SLC44A5: variants seen among roughly 807,000 people sequenced by gnomAD.
The protein encoded by SLC44A5 is solute carrier family 44 member 5.
SLC44A5 carries 57 observed loss-of-function variants against 101.8 expected under a neutral mutation model. The observed-to-expected ratio is 0.56, with a 90% confidence interval of 0.45 to 0.70. The LOEUF is 0.70. SLC44A5 is among the 30% of genes least tolerant of loss of function. The pLI is 0.00. For synonymous variants in SLC44A5, 281 were observed against 290.9 expected (o/e 0.97, Z 0.35); for missense variants, 737 against 853.1 (o/e 0.86, Z 1.70).
At chr1:75,413,776 A>C (rs1663435170) in intron 2 of SLC44A5, among the ~76,000 whole-genome samples, 1 of 152,210 alleles carries the variant, frequency 6.6e-6, no homozygotes, top group Non-Finnish European at 1.5e-5. Context: ...CCAATGGCAC[A>C]GTTTTAAGAA....
chr1:75,314,495 G>A lies in SLC44A5; in HGVS notation c.102-13810C>T, dbSNP rs556954121. ...CTGGAAAAATGTGCCAAAGTGTGTG[G>A]AGAAGCAGTCTATCTTTAGACTTTC... On this transcript the variant is annotated intron_variant, in intron 4 of 23. Coordinates refer to ENST00000370859, the MANE Select transcript of SLC44A5 (RefSeq NM_001130058.2). Among the ~76,000 whole-genome samples the A allele has an allele frequency of 2.6e-5, 4 of 152,296 alleles. No homozygotes were observed. The East Asian group carries it at 7.7e-4, about 29-fold the overall frequency.
At chr1:75,721,129 T>C in the SLC44A5 span, among the ~76,000 whole-genome samples, 2 of 152,232 alleles carry the variant, frequency 1.3e-5, no homozygotes, top group Admixed American at 1.3e-4. Context: ...TTAACATCAC[T>C]GAGGTATAAA....
rs567752771 is a variant in SLC44A5, at chr1:75,507,128, T to C, written c.13+34307A>G. The stretch of plus-strand genomic sequence containing the variant: ...ATGTCACTAAGTCTGATAGTTCCTA[T>C]TCTTAAAGAGGATGCTTCCAACTTT... On this transcript the variant is annotated intron_variant, in intron 2 of 23. Transcript: ENST00000370859. Among the ~76,000 whole-genome samples the C allele has an allele frequency of 5.9e-5, 9 of 152,156 alleles. No homozygotes were observed. The South Asian group carries it at 1.2e-3, about 21-fold the overall frequency.
chr1:75,345,414 T>C (rs1470382409), intron 3 of SLC44A5, among the ~76,000 whole-genome samples: 1 of 151,932 alleles, frequency 6.6e-6, no homozygotes, highest in African/African-American at 2.4e-5. Flanking sequence ...TGATAGATAA[T>C]GGAGGGAAAA....
chr1:75,266,727 C>T (rs1438232629), intron 6 of SLC44A5, among the ~76,000 whole-genome samples: 36 of 152,288 alleles, frequency 2.4e-4, no homozygotes, highest in Non-Finnish European at 1.5e-5. Context: ...AATGAATTTA[C>T]TGAGCACATA....
At chr1:75,232,020 A>G (rs1647619019) in intron 12 of SLC44A5, among the ~76,000 whole-genome samples, 1 of 152,178 alleles carries the variant, frequency 6.6e-6, no homozygotes, top group South Asian at 2.1e-4. Flanking sequence ...TGATATGTAG[A>G]AAGTCAATTG....
chr1:75,315,726 C>T (rs1334085375), intron 4 of SLC44A5, among the ~76,000 whole-genome samples: 2 of 152,080 alleles, frequency 1.3e-5, no homozygotes, highest in Non-Finnish European at 2.9e-5. Context: ...TCCTGAGTGC[C>T]AGCTTACTTT....
intron 1 of SLC44A5, among the ~76,000 whole-genome samples, chr1:75,577,007 C>A (rs1345799622): frequency 1.3e-5 from 2 of 152,200 alleles, no homozygotes; most frequent in Non-Finnish European, 2.9e-5. Context: ...GAACCTGTTT[C>A]TTCCACTGTC....
intron 2 of SLC44A5, among the ~76,000 whole-genome samples, chr1:75,424,743 A>G (rs1216159863): frequency 6.6e-6 from 1 of 152,202 alleles, no homozygotes; most frequent in African/African-American, 2.4e-5. Context: ...TCAAAATGTC[A>G]AGAGTTTTTT....
At chr1:75,519,749 C>A (rs896023128) in intron 2 of SLC44A5, among the ~76,000 whole-genome samples, 1 of 152,206 alleles carries the variant, frequency 6.6e-6, no homozygotes, top group Non-Finnish European at 1.5e-5. Flanking sequence ...TATATCTTAT[C>A]ATTTAACAAC....
rs1228796532 is a variant in SLC44A5, at chr1:75,545,000, G to A, written c.-69-3484C>T. ...TTAGGTATTTCTCCTAATGCTATCC[G>A]TCCCCTAGCCCCCCACCCTCCAAAA... On this transcript the variant is annotated intron_variant, in intron 1 of 23. Coordinates refer to ENST00000370859, the MANE Select transcript of SLC44A5 (RefSeq NM_001130058.2). Among the ~76,000 whole-genome samples, 8 of 151,930 alleles carry A rather than the reference G, an allele frequency of 5.3e-5. No individual in the cohort carries two copies. The East Asian group carries it at 7.8e-4, about 15-fold the overall frequency.
chr1:75,296,427 C>T (rs554303478), intron 5 of SLC44A5, among the ~76,000 whole-genome samples: 1 of 151,388 alleles, frequency 6.6e-6, no homozygotes, highest in Admixed American at 6.6e-5. Flanking sequence ...CTCAAGATCC[C>T]CAGAAGCTTC....
chr1:75,437,915 G>T (rs1213653981), intron 2 of SLC44A5, among the ~76,000 whole-genome samples: 2 of 152,026 alleles, frequency 1.3e-5, no homozygotes, highest in Non-Finnish European at 2.9e-5. Flanking sequence ...GAGTATAGTG[G>T]GTTTCCAATA....
chr1:75,719,530 A>C, the SLC44A5 span, among the ~76,000 whole-genome samples: 3,219 of 152,270 alleles, frequency 0.021, 116 homozygotes, highest in African/African-American at 0.074. Flanking sequence ...ATTTGCCTAT[A>C]ATTTGGACTA....
intron 2 of SLC44A5, among the ~76,000 whole-genome samples, chr1:75,429,908 C>T (rs1216300154): frequency 5.9e-5 from 9 of 152,262 alleles, no homozygotes; most frequent in Admixed American, 6.5e-5. Flanking sequence ...ACATCCAAAC[C>T]ATATCAACAT....
chr1:75,300,363 C>CT (rs1654355044), intron 5 of SLC44A5, among the ~76,000 whole-genome samples: 1 of 152,064 alleles, frequency 6.6e-6, no homozygotes. Context: ...AAACCACAAA[C>CT]TTTTCTCTTT....
intron 23 of SLC44A5, 113 bp from the exon 24 acceptor site, chr1:75,203,946 T>TTA: frequency 8.0e-7 from 1 of 1,254,950 alleles, no homozygotes; most frequent in Non-Finnish European, 1.0e-6. Flanking sequence ...TGTTGTTTTT[T>TTA]TTTTGTTGTT....
intron 1 of SLC44A5, among the ~76,000 whole-genome samples, chr1:75,589,493 G>C (rs528908168): frequency 4.6e-5 from 7 of 152,290 alleles, no homozygotes; most frequent in African/African-American, 1.7e-4. Flanking sequence ...TATGGAGAGA[G>C]AGAGCAAGAT....
chr1:75,471,941 A>C (rs1309466420), intron 2 of SLC44A5, among the ~76,000 whole-genome samples: 1 of 150,974 alleles, frequency 6.6e-6, no homozygotes, highest in East Asian at 1.9e-4. Flanking sequence ...CCAGACCCAT[A>C]ATCTGTTTTG....
Sources: allele counts gnomAD v4.1 joint callset (sites outside exome capture counted in the v4.1 genomes callset), GRCh38; gene constraint gnomAD v4.1.1; transcripts MANE v1.5; gene names NCBI Gene and HGNC (gene_info 2026-07-23, HGNC 2026-07-21).